GDPD4: variants seen among roughly 807,000 people sequenced by gnomAD.
GDPD4 encodes glycerophosphodiester phosphodiesterase domain containing 4.
Under a neutral mutation model 67.8 loss-of-function variants are expected in GDPD4, and 60 were observed. The ratio of observed to expected loss-of-function variants is 0.88; its 90% CI spans 0.72 to 1.10. GDPD4 has a LOEUF of 1.10. GDPD4 is among the 50% of genes least tolerant of loss of function. The pLI is 0.00. For synonymous variants in GDPD4, 212 were observed against 210.9 expected, an observed-to-expected ratio of 1.00 and a Z score of -0.04; for missense variants, 623 against 613.9, an observed-to-expected ratio of 1.01 and a Z score of -0.16.
At chr11:77,279,568 G>A (rs1959661450) in intron 3 of GDPD4, among the ~76,000 whole-genome samples, 169 bp from the exon 4 acceptor site, 1 of 150,986 alleles carries the variant, frequency 6.6e-6, no homozygotes, top group South Asian at 2.1e-4. Flanking sequence ...GAGTTTTAAA[G>A]TTGTGTTCTG....
intron 10 of GDPD4, among the ~76,000 whole-genome samples, chr11:77,265,025 C>G (rs1232839620): frequency 6.6e-6 from 1 of 152,000 alleles, no homozygotes; most frequent in Non-Finnish European, 1.5e-5. Flanking sequence ...AATAAGACAA[C>G]CTTTATTCAC....
intron 1 of GDPD4, among the ~76,000 whole-genome samples, chr11:77,291,183 G>A (rs544946664): frequency 3.3e-5 from 5 of 152,216 alleles, no homozygotes; most frequent in Admixed American, 2.0e-4. Context: ...AATACTCTTC[G>A]GCCATAAAAA....
chr11:77,281,112 A>G (rs574266477), intron 3 of GDPD4, among the ~76,000 whole-genome samples: 1 of 152,112 alleles, frequency 6.6e-6, no homozygotes, highest in Non-Finnish European at 1.5e-5. Context: ...ATGTAGGCCT[A>G]CTCACTCAAC....
rs188132091 is a variant in GDPD4 at position 77,301,161 on chromosome 11, T to G, written c.-254+444A>C. On this transcript the variant is annotated intron_variant, in intron 1 of 16. Coordinates refer to ENST00000315938, the MANE Select transcript of GDPD4 (RefSeq NM_182833.3). ...CTTCTCTGAATTCTACACTCATATA[T>G]CCGACAGGCTACTGAAATCTCCATT... Among the ~76,000 whole-genome samples the G allele has an allele frequency of 1.9e-3, 296 of 152,266 alleles. 4 individuals carry two copies. The highest frequency in any genetic ancestry group is 7.6e-4 in the Non-Finnish European group (52 of 68,030).
At chr11:77,272,934 C>T (rs376729259) in intron 5 of GDPD4, among the ~76,000 whole-genome samples, 11 of 151,870 alleles carry the variant, frequency 7.2e-5, no homozygotes, top group African/African-American at 1.5e-4. Flanking sequence ...GCTTCACAGG[C>T]GTCATTTTGG....
intron 1 of GDPD4, among the ~76,000 whole-genome samples, chr11:77,291,069 C>T (rs536932432): frequency 6.6e-6 from 1 of 152,308 alleles, no homozygotes; most frequent in East Asian, 1.9e-4. Context: ...ACCTGCATCC[C>T]TATGTTTATT....
At chr11:77,261,153 T>C (rs1386775474) in intron 10 of GDPD4, among the ~76,000 whole-genome samples, 1 of 152,226 alleles carries the variant, frequency 6.6e-6, no homozygotes, top group Middle Eastern at 3.2e-3. Context: ...CAGGCATATC[T>C]TGTGATACAT....
intron 10 of GDPD4, among the ~76,000 whole-genome samples, chr11:77,265,427 TTATC>T (rs898803956): frequency 1.3e-5 from 2 of 152,168 alleles, no homozygotes; most frequent in Non-Finnish European, 2.9e-5. Flanking sequence ...TAGAATCACT[TTATC>T]TATATCTTTT....
At chr11:77,248,908 T>C (rs1451675846) in intron 11 of GDPD4, among the ~76,000 whole-genome samples, 14 of 118,952 alleles carry the variant, frequency 1.2e-4, no homozygotes, top group Non-Finnish European at 1.5e-4. Context: ...TTTTTTTTTT[T>C]AGTAGAGACG....
At chr11:77,264,795 G>A (rs186899693) in intron 10 of GDPD4, among the ~76,000 whole-genome samples, 7 of 152,170 alleles carry the variant, frequency 4.6e-5, no homozygotes, top group Admixed American at 3.9e-4. Flanking sequence ...TATGACGGCA[G>A]GAGACCAGAA....
rs1241113880 is a variant in GDPD4 at position 77,217,013 on chromosome 11, G to A, written c.*264C>T. ...GGTGGGCAATGTAGTTTGAAAGGTA[G>A]CCTCACTTGTAGCCTGCCTGGTGGG... is the stretch of plus-strand genomic sequence containing the variant. On this transcript the variant is annotated 3_prime_UTR_variant, in exon 17 of 17. Coordinates refer to ENST00000315938, the MANE Select transcript of GDPD4 (RefSeq NM_182833.3). The A allele has an allele frequency of 1.4e-6, 1 of 703,238 alleles. No homozygotes were observed. The highest frequency in any genetic ancestry group is 2.7e-5 in the East Asian group (1 of 37,288). 43.6% of individuals were successfully genotyped at this position (703,238 alleles called of 1,614,324 possible). A position where few individuals can be genotyped will look rare whatever the true frequency, so the allele number is the denominator to read the frequency against.
chr11:77,270,751 T>C (rs1410703483), intron 7 of GDPD4, among the ~76,000 whole-genome samples: 1 of 152,086 alleles, frequency 6.6e-6, no homozygotes, highest in African/African-American at 2.4e-5. Flanking sequence ...AAACTACTAA[T>C]ATTTGAATAT....
At chr11:77,224,734 A>C (rs1480709357) in intron 16 of GDPD4, among the ~76,000 whole-genome samples, 1 of 152,216 alleles carries the variant, frequency 6.6e-6, no homozygotes, top group East Asian at 1.9e-4. Flanking sequence ...TGTCTAACCC[A>C]TGTCTGTGAG....
At chr11:77,281,004 T>C (rs913815879) in intron 3 of GDPD4, among the ~76,000 whole-genome samples, 1 of 152,212 alleles carries the variant, frequency 6.6e-6, no homozygotes, top group Non-Finnish European at 1.5e-5. Context: ...TGTGTCCAAT[T>C]TAGGCTTCTT....
chr11:77,261,314 T>C (rs1959113069), intron 10 of GDPD4, among the ~76,000 whole-genome samples: 1 of 152,034 alleles, frequency 6.6e-6, no homozygotes, highest in African/African-American at 2.4e-5. Context: ...CTCAGTTCAC[T>C]GCAACCTCCG....
At position 77,244,682 on chromosome 11, in the gene GDPD4, T is replaced by A. The variant is rs566903169; in HGVS notation, c.1086+599A>T. On this transcript the variant is annotated intron_variant, in intron 12 of 16. Coordinates refer to ENST00000315938, the MANE Select transcript of GDPD4 (RefSeq NM_182833.3). Reference sequence around the variant, plus strand: ...AGGGAGGCCCTGCTTCTATTTTATTTAAAAAAAATCATCTTTGAGAGGAGT... The same window carrying A: ...AGGGAGGCCCTGCTTCTATTTTATTAAAAAAAAATCATCTTTGAGAGGAGT... Among the ~76,000 whole-genome samples, 9 of 151,972 alleles carry A rather than the reference T, an allele frequency of 5.9e-5. No individual in the cohort carries two copies. In the East Asian group the frequency reaches 1.7e-3, roughly 29 times the overall value.
chr11:77,243,812 T>C lies in GDPD4; in HGVS notation c.1123A>G (p.Arg375Gly). The C allele has an allele frequency of 6.2e-7, 1 of 1,613,838 alleles. No individual in the cohort carries two copies. Among genetic ancestry groups the C allele is most frequent in the Non-Finnish European group, 8.5e-7 (1 of 1,179,806 alleles). ...WLPAHDRQYVRSVAPGFQHVG... is the reference protein window; with the variant it reads ...WLPAHDRQYVGSVAPGFQHVG... Reference sequence around the variant, plus strand: ...TGCTGAAAACCAGGAGCCACGGACCTGACGTATTGCCTATCATGAGCTGGC... The same window carrying C: ...TGCTGAAAACCAGGAGCCACGGACCCGACGTATTGCCTATCATGAGCTGGC... Residue 375 changes from arginine to glycine, a missense_variant, in exon 13 of 17, where the codon AGG (arginine) becomes GGG (glycine). Arg to Gly is a moderately radical substitution (Grantham distance 125, BLOSUM62 -2). Coordinates refer to ENST00000315938, the MANE Select transcript of GDPD4 (RefSeq NM_182833.3).
intron 11 of GDPD4, among the ~76,000 whole-genome samples, chr11:77,251,310 T>C (rs1958893919): frequency 6.6e-6 from 1 of 152,180 alleles, no homozygotes; most frequent in Non-Finnish European, 1.5e-5. Context: ...GCTCTATTGA[T>C]GAGTTTTATG....
At chr11:77,242,371 G>A (rs139597483) in intron 13 of GDPD4, among the ~76,000 whole-genome samples, 98 of 152,068 alleles carry the variant, frequency 6.4e-4, no homozygotes, top group African/African-American at 2.3e-3. Flanking sequence ...ATAAAACAGA[G>A]GGCAATTCTA....
Sources: allele counts gnomAD v4.1 joint callset (sites outside exome capture counted in the v4.1 genomes callset), GRCh38; gene constraint gnomAD v4.1.1; transcripts MANE v1.5; gene names NCBI Gene and HGNC (gene_info 2026-07-23, HGNC 2026-07-21).